The following TBCD variants were observed in gnomAD, a reference collection of about 807,000 sequenced individuals.
The protein encoded by TBCD is tubulin-specific chaperone D.
TBCD carries 105 observed loss-of-function variants against 169.3 expected under a neutral mutation model. The ratio of observed to expected loss-of-function variants is 0.62; its 90% CI spans 0.53 to 0.73. The LOEUF (loss-of-function observed/expected upper bound fraction) is 0.73, where lower values mean the gene tolerates loss of function less well. TBCD is among the 30% of genes least tolerant of loss of function. The pLI is 0.00. For synonymous variants in TBCD, 700 were observed against 643.9 expected (o/e 1.09, Z -1.32); for missense variants, 1,444 against 1,600.1 (o/e 0.90, Z 1.66).
intron 25 of TBCD, among the ~76,000 whole-genome samples, 152 bp downstream of exon 25, chr17:82,921,729 C>T (rs547053895): frequency 2.6e-5 from 4 of 152,320 alleles, no homozygotes; most frequent in East Asian, 3.9e-4. Flanking sequence ...TTTGGAATCC[C>T]GGATGGTAGC....
rs1192303062 is a variant in TBCD, at chr17:82,937,986, G to C, written c.3282-63G>C. The C allele has an allele frequency of 7.5e-6, 12 of 1,597,674 alleles. No individual in the cohort carries two copies. The South Asian group carries it at 9.0e-5, about 12-fold the overall frequency. ...TCTCTGCATGGGCCTTTGGGTCCGG[G>C]GTTTGCTGGGGTTGGCCTGCGCGGG... On this transcript the variant is annotated intron_variant, in intron 35 of 38. Coordinates refer to ENST00000355528, the MANE Select transcript of TBCD (RefSeq NM_005993.5).
chr17:82,810,515 G>A (rs1477927858), intron 12 of TBCD, among the ~76,000 whole-genome samples: 1 of 135,686 alleles, frequency 7.4e-6, no homozygotes, highest in Non-Finnish European at 1.6e-5. Context: ...GGAGTTCTGG[G>A]TCTTGGGACC....
intron 16 of TBCD, among the ~76,000 whole-genome samples, chr17:82,891,056 G>T (rs1484582304): frequency 6.6e-6 from 1 of 152,238 alleles, no homozygotes; most frequent in Non-Finnish European, 1.5e-5. Flanking sequence ...CAGAGCCCGG[G>T]GTGACGACCG....
chr17:82,806,976 G>T lies in TBCD; in HGVS notation c.1088-632G>T, dbSNP rs1005751028. Among the ~76,000 whole-genome samples, 51 of 152,324 alleles carry T rather than the reference G, an allele frequency of 3.3e-4. No homozygotes were observed. Among genetic ancestry groups the T allele is most frequent in the Non-Finnish European group, 6.2e-4 (42 of 68,014 alleles). On this transcript the variant is annotated intron_variant, in intron 10 of 38. Coordinates refer to ENST00000355528, the MANE Select transcript of TBCD (RefSeq NM_005993.5). This position sits in a 1 kb window ranked among gnomAD's most constrained non-coding sequence, Gnocchi z 5.1. ...TCCCGTCTCCCACCCGCTGCAGGCA[G>T]TCCCCCCTGCCCGCATTCCAGCTGC... is the stretch of plus-strand genomic sequence containing the variant.
intron 1 of TBCD, among the ~76,000 whole-genome samples, chr17:82,755,470 C>G: frequency 6.6e-6 from 1 of 152,280 alleles, no homozygotes; most frequent in East Asian, 1.9e-4. Flanking sequence ...ATTTTGATTT[C>G]TTTCAGGGCC....
intron 7 of TBCD, among the ~76,000 whole-genome samples, chr17:82,796,605 G>A (rs551550618): frequency 1.1e-4 from 16 of 152,324 alleles, no homozygotes; most frequent in Admixed American, 3.3e-4. Context: ...CTCCACAGGC[G>A]TGACTGGTGG....
chr17:82,761,453 C>T (rs1025251110), intron 2 of TBCD, among the ~76,000 whole-genome samples: 1 of 152,108 alleles, frequency 6.6e-6, no homozygotes, highest in African/African-American at 2.4e-5. Context: ...TAAATGTATA[C>T]ACCCCGCGCT....
rs202044757 is a variant in TBCD at position 82,831,547 on chromosome 17, T to G, written c.1318+16613T>G. 7.3e-5 allele frequency: 117 copies of G among 1,613,764 alleles called. No individual in the cohort carries two copies. Among genetic ancestry groups the G allele is most frequent in the Non-Finnish European group, 9.1e-5 (107 of 1,179,962 alleles). On this transcript the variant is annotated intron_variant, in intron 13 of 38. Coordinates refer to ENST00000355528, the MANE Select transcript of TBCD (RefSeq NM_005993.5). The surrounding 1 kb of genome is among the most constrained non-coding windows in gnomAD (Gnocchi z 4.6). ...ATATTGCTGGAAAAACCTGTAGTGA[T>G]CGTATGTGGCTGGAGATGGAGCCAG...
At chr17:82,780,296 G>A (rs74000077) in intron 6 of TBCD, among the ~76,000 whole-genome samples, 4 of 151,544 alleles carry the variant, frequency 2.6e-5, no homozygotes, top group South Asian at 2.1e-4. Context: ...CGTTTCCTTC[G>A]TAACTTTTCT....
chr17:82,862,379 C>T (rs1245597167), intron 13 of TBCD, among the ~76,000 whole-genome samples: 1 of 151,706 alleles, frequency 6.6e-6, no homozygotes, highest in South Asian at 2.1e-4. Flanking sequence ...GCGGAGGAAG[C>T]CGGAGGGAGA....
chr17:82,939,034 G>A (rs1197066464), intron 36 of TBCD: 5 of 397,622 alleles, frequency 1.3e-5, no homozygotes, highest in African/African-American at 2.1e-5. Flanking sequence ...TGCTTCTCTG[G>A]TGAGGGAGCA....
intron 13 of TBCD, among the ~76,000 whole-genome samples, chr17:82,825,876 G>A (rs2052798447): frequency 6.6e-6 from 1 of 152,228 alleles, no homozygotes; most frequent in African/African-American, 2.4e-5. Context: ...GAGGTGGGAG[G>A]ATCACTTGAG....
At position 82,880,766 on chromosome 17, in the gene TBCD, G is replaced by A. The variant is rs923353991; in HGVS notation, c.1476-3379G>A. 2.0e-5 allele frequency among the ~76,000 whole-genome samples: 3 copies of A among 152,222 alleles called. No individual in the cohort carries two copies. The highest frequency in any genetic ancestry group is 4.4e-5 in the Non-Finnish European group (3 of 68,028). On this transcript the variant is annotated intron_variant, in intron 14 of 38. Transcript: ENST00000355528. This position sits in a 1 kb window ranked among gnomAD's most constrained non-coding sequence, Gnocchi z 5.0. ...CACAGGAGCAGGAGGGGCTGGGCGG[G>A]GAGGACGCAGGGTCTGTCGGAGCAT... is the stretch of plus-strand genomic sequence containing the variant.
At chr17:82,790,199 C>T (rs1390227753) in intron 7 of TBCD, among the ~76,000 whole-genome samples, 1 of 152,142 alleles carries the variant, frequency 6.6e-6, no homozygotes, top group African/African-American at 2.4e-5. Flanking sequence ...CCTGGGCTCC[C>T]CGACTACCCT....
chr17:82,838,335 TAAAA>T (rs11370957), intron 13 of TBCD, among the ~76,000 whole-genome samples: 1 of 150,064 alleles, frequency 6.7e-6, no homozygotes, highest in African/African-American at 2.5e-5. Context: ...AAAGAGTTCT[TAAAA>T]AAAAAAACTT....
At chr17:82,846,882 G>A (rs1478625667) in intron 13 of TBCD, among the ~76,000 whole-genome samples, 3 of 152,154 alleles carry the variant, frequency 2.0e-5, no homozygotes, top group Non-Finnish European at 4.4e-5. Context: ...CGGGCCTCGG[G>A]TGTCTGGTCT....
chr17:82,915,861 C>T lies in TBCD; in HGVS notation c.2038+4072C>T, dbSNP rs941291511. 1.6e-4 allele frequency among the ~76,000 whole-genome samples: 24 copies of T among 152,188 alleles called. No homozygotes were observed. The highest frequency in any genetic ancestry group is 4.3e-4 in the African/African-American group (18 of 41,450). On this transcript the variant is annotated intron_variant, in intron 23 of 38. Transcript: ENST00000355528. This position sits in a 1 kb window ranked among gnomAD's most constrained non-coding sequence, Gnocchi z 4.3. ...ATCGTGACTTAGCAAGCCGGGGACA[C>T]GCTGTTAATGGACTTCCTGCTGTGG...
chr17:82,819,502 C>G (rs1288280116), intron 13 of TBCD, among the ~76,000 whole-genome samples: 1 of 151,068 alleles, frequency 6.6e-6, no homozygotes, highest in East Asian at 1.9e-4. Flanking sequence ...CGAAAGTAGC[C>G]TGCGCAACAA....
In TBCD at chr17:82,907,953, G is replaced by A. The variant is rs915756856; in HGVS notation, c.1983+132G>A. ...GCTCCATCAGTCCTGGGCTCAGTGG[G>A]GGACCTGCGGTGTGATCACTCTGGG... On this transcript the variant is annotated intron_variant, in intron 21 of 38. Coordinates refer to ENST00000355528, the MANE Select transcript of TBCD (RefSeq NM_005993.5). 4 of 914,256 alleles carry A rather than the reference G, an allele frequency of 4.4e-6. No individual in the cohort carries two copies. In the East Asian group the frequency reaches 1.1e-4, roughly 24 times the overall value. 56.6% of individuals were successfully genotyped at this position (914,256 alleles called of 1,614,324 possible).
Sources: allele counts gnomAD v4.1 joint callset (sites outside exome capture counted in the v4.1 genomes callset), GRCh38; gene constraint gnomAD v4.1.1; non-coding constraint Gnocchi (gnomAD v3.1); transcripts MANE v1.5; gene names NCBI Gene and HGNC (gene_info 2026-07-23, HGNC 2026-07-21).